Variants in ST7 observed in about 807,000 individuals in gnomAD.
The protein encoded by ST7 is suppressor of tumorigenicity 7 protein.
Under a neutral mutation model 78.7 loss-of-function variants are expected in ST7, and 28 were observed. The observed-to-expected ratio is 0.36, with a 90% CI of 0.26 to 0.49. The LOEUF is 0.49. ST7 is among the 20% of genes least tolerant of loss of function. ST7 has a pLI of 0.99. For missense variants in ST7, 418 were observed against 696.0 expected, an observed-to-expected ratio of 0.60 and a Z score of 4.49; for synonymous variants, 247 against 249.6, an observed-to-expected ratio of 0.99 and a Z score of 0.10.
At chr7:116,979,743 A>T (rs539996579) in intron 1 of ST7, among the ~76,000 whole-genome samples, 62 of 152,194 alleles carry the variant, frequency 4.1e-4, no homozygotes, top group Non-Finnish European at 4.1e-4. Context: ...TATTGCTTGC[A>T]AATTCTTTAA....
chr7:117,217,874 T>C (rs370814954), intron 13 of ST7, among the ~76,000 whole-genome samples: 4 of 152,130 alleles, frequency 2.6e-5, no homozygotes, highest in African/African-American at 7.2e-5. Context: ...GCGGTGTAGA[T>C]TGACTGCATT....
At chr7:116,992,217 T>A (rs1441961510) in intron 1 of ST7, among the ~76,000 whole-genome samples, 1 of 152,228 alleles carries the variant, frequency 6.6e-6, no homozygotes, top group Non-Finnish European at 1.5e-5. Context: ...AGAGCACCAG[T>A]AGGGACTCTA....
intron 1 of ST7, among the ~76,000 whole-genome samples, chr7:116,992,899 A>G (rs1794490255): frequency 6.6e-6 from 1 of 152,172 alleles, no homozygotes; most frequent in Admixed American, 6.5e-5. Flanking sequence ...AGTTCCACAA[A>G]TCTCTTAGGC....
chr7:117,149,039 TC>T (rs1348539381), intron 9 of ST7, among the ~76,000 whole-genome samples: 1 of 152,176 alleles, frequency 6.6e-6, no homozygotes, highest in Non-Finnish European at 1.5e-5. Flanking sequence ...CTCCTGGGTT[TC>T]CCTTTTAAAT....
chr7:117,222,034 C>T lies in ST7; in HGVS notation c.1610C>T (p.Pro537Leu), dbSNP rs1793128327. 1 of 1,612,038 alleles carries T rather than the reference C, an allele frequency of 6.2e-7. No homozygotes were observed. Among genetic ancestry groups the T allele is most frequent in the Non-Finnish European group, 8.5e-7 (1 of 1,179,180 alleles). ...CTGGCCCTCCTGACACATCAGTTCC[C>T]GGAACTTATGGGGGTCTTCGCAAAA... ...AMLALLTHQFPELMGVFAKAF... is the reference protein window; with the variant it reads ...AMLALLTHQFLELMGVFAKAF... The change falls in exon 15 of 16, where the codon CCG becomes CTG. Residue 537 changes from proline to leucine, a missense_variant. By Grantham distance (98) the Pro-to-Leu change is moderately conservative. Transcript: ENST00000323984.
At chr7:117,193,738 C>T (rs1468633261) in intron 12 of ST7, among the ~76,000 whole-genome samples, 2 of 152,206 alleles carry the variant, frequency 1.3e-5, no homozygotes, top group African/African-American at 4.8e-5. Context: ...GCTTCTTTTT[C>T]TCTATCACAG....
intron 10 of ST7, among the ~76,000 whole-genome samples, chr7:117,174,887 A>G (rs1397899385): frequency 2.0e-5 from 3 of 152,232 alleles, no homozygotes; most frequent in Non-Finnish European, 4.4e-5. Flanking sequence ...ATCCAGATCC[A>G]GCTGGCTCTA....
chr7:117,038,996 T>C (rs1420372112), intron 1 of ST7, among the ~76,000 whole-genome samples: 1 of 152,326 alleles, frequency 6.6e-6, no homozygotes, highest in Middle Eastern at 3.4e-3. Flanking sequence ...ATAAATACTT[T>C]TCATAATACT....
chr7:116,963,990 G>A (rs1185115983), intron 1 of ST7, among the ~76,000 whole-genome samples: 3 of 152,134 alleles, frequency 2.0e-5, no homozygotes, highest in South Asian at 2.1e-4. Context: ...GTTGTAGAGC[G>A]TTAAAGGACT....
At chr7:116,986,885 G>T (rs570257886) in intron 1 of ST7, among the ~76,000 whole-genome samples, 3 of 152,332 alleles carry the variant, frequency 2.0e-5, no homozygotes, top group East Asian at 1.9e-4. Flanking sequence ...ACCCAAAGAG[G>T]ATGGGAGGAA....
intron 1 of ST7, among the ~76,000 whole-genome samples, chr7:117,076,999 T>C (rs567088676): frequency 3.9e-5 from 6 of 152,250 alleles, no homozygotes; most frequent in African/African-American, 1.4e-4. Flanking sequence ...TTTTTCTTGA[T>C]GATGAAAGTG....
chr7:117,120,988 G>A (rs986330404), intron 3 of ST7, among the ~76,000 whole-genome samples: 44 of 152,226 alleles, frequency 2.9e-4, no homozygotes, highest in African/African-American at 1.0e-3. Context: ...AGAGAGAGAA[G>A]GGAAACTTCA....
intron 1 of ST7, among the ~76,000 whole-genome samples, chr7:117,002,639 CTGTG>C (rs140099821): frequency 4.7e-4 from 69 of 145,828 alleles, no homozygotes; most frequent in Non-Finnish European, 7.4e-4. Flanking sequence ...GTAGTTGAGG[CTGTG>C]TGTGTGTGTG....
chr7:117,194,124 A>C (rs1232146411), intron 12 of ST7, among the ~76,000 whole-genome samples: 1 of 152,174 alleles, frequency 6.6e-6, no homozygotes, highest in Non-Finnish European at 1.5e-5. Flanking sequence ...GATGCGAAAC[A>C]CTAGAATTTC....
At chr7:116,980,083 C>T (rs983438527) in intron 1 of ST7, among the ~76,000 whole-genome samples, 9 of 150,932 alleles carry the variant, frequency 6.0e-5, no homozygotes, top group South Asian at 2.1e-4. Flanking sequence ...CTCAGCCTCC[C>T]GAGTAACTGG....
intron 10 of ST7, among the ~76,000 whole-genome samples, chr7:117,174,702 C>G (rs1273514426): frequency 6.6e-6 from 1 of 152,166 alleles, no homozygotes; most frequent in African/African-American, 2.4e-5. Flanking sequence ...TAGCCACAAT[C>G]TATTGAGAAC....
intron 1 of ST7, among the ~76,000 whole-genome samples, chr7:117,039,525 G>A (rs1025701594): frequency 6.6e-6 from 1 of 151,048 alleles, no homozygotes; most frequent in Admixed American, 6.6e-5. Context: ...AGTGAGCCCT[G>A]ATGGCATCAC....
At chr7:117,094,370 A>G (rs570649495) in intron 1 of ST7, among the ~76,000 whole-genome samples, 41 of 152,250 alleles carry the variant, frequency 2.7e-4, no homozygotes, top group African/African-American at 9.6e-4. Flanking sequence ...CTTTCTATTC[A>G]GCCTACAAGT....
intron 1 of ST7, among the ~76,000 whole-genome samples, chr7:117,043,587 A>G (rs150807681): frequency 6.6e-6 from 1 of 152,294 alleles, no homozygotes; most frequent in East Asian, 1.9e-4. Context: ...ATATTGTTTA[A>G]TTGCCTTTAA....
Sources: gnomAD v4.1 joint callset for allele counts (sites outside exome capture counted in the v4.1 genomes callset) on GRCh38, gnomAD v4.1.1 for gene constraint, MANE v1.5 for transcripts, NCBI Gene and HGNC (gene_info 2026-07-23, HGNC 2026-07-21) for gene names.